CRLS1: variants seen among roughly 807,000 people sequenced by gnomAD.
CRLS1 encodes the protein cardiolipin synthase (CMP-forming).
CRLS1 carries 24 observed loss-of-function variants against 37.0 expected under a neutral mutation model. The ratio of observed to expected loss-of-function variants is 0.65; its 90% confidence interval spans 0.47 to 0.91. CRLS1 has a LOEUF of 0.91. Among genes scored for constraint, CRLS1 ranks in the 40% least tolerant of loss-of-function variants. The probability of loss-of-function intolerance (pLI) is 0.00; values close to 1 mark genes in which losing one functional copy is unlikely to be tolerated. For synonymous variants in CRLS1, 135 were observed against 159.7 expected (o/e 0.85, Z 1.17); for missense variants, 373 against 395.8 (o/e 0.94, Z 0.49).
At chr20:6,035,572 GTC>G (rs1251979691) in intron 6 of CRLS1, among the ~76,000 whole-genome samples, 1 of 151,486 alleles carries the variant, frequency 6.6e-6, no homozygotes, top group African/African-American at 2.4e-5. Flanking sequence ...CCTTTATTGA[GTC>G]TTTCTAAAGC....
intron 1 of CRLS1, among the ~76,000 whole-genome samples, chr20:6,009,443 A>C (rs2090103284): frequency 6.6e-6 from 1 of 152,080 alleles, no homozygotes; most frequent in African/African-American, 2.4e-5. Context: ...TTTAATTAAA[A>C]AAAATTGAGA....
At chr20:6,027,649 A>C (rs1416488136) in intron 3 of CRLS1, among the ~76,000 whole-genome samples, 1 of 152,108 alleles carries the variant, frequency 6.6e-6, no homozygotes, top group Non-Finnish European at 1.5e-5. Flanking sequence ...TCTTGGCCTC[A>C]AGTGATCTGC....
upstream of CRLS1, chr20:6,006,083 T>TGAA: frequency 2.6e-6 from 1 of 391,050 alleles, no homozygotes; most frequent in South Asian, 1.4e-4. Context: ...GGCGGCTTCC[T>TGAA]GCCACCTGTA....
intron 4 of CRLS1, among the ~76,000 whole-genome samples, chr20:6,031,733 G>T (rs1159347273): frequency 6.6e-6 from 1 of 152,054 alleles, no homozygotes; most frequent in Non-Finnish European, 1.5e-5. Flanking sequence ...GCAGTATTTT[G>T]TTCATTTTAT....
intron 5 of CRLS1, among the ~76,000 whole-genome samples, chr20:6,032,695 G>C (rs543077640): frequency 6.6e-6 from 1 of 152,304 alleles, no homozygotes; most frequent in Admixed American, 6.5e-5. Context: ...CTGTTTTCCC[G>C]AGCATTCAGG....
chr20:6,020,571 G>C (rs1979174053), intron 3 of CRLS1, among the ~76,000 whole-genome samples: 1 of 151,534 alleles, frequency 6.6e-6, no homozygotes, highest in African/African-American at 2.4e-5. Context: ...TGTATATTCT[G>C]CAGTTCTTGG....
At chr20:6,022,026 A>G (rs995929410) in intron 3 of CRLS1, among the ~76,000 whole-genome samples, 7 of 152,242 alleles carry the variant, frequency 4.6e-5, no homozygotes, top group Non-Finnish European at 8.8e-5. Context: ...TGTTTATACA[A>G]TGTTCATTTA....
chr20:6,006,363 CTGCTGCTTG>C lies in CRLS1; in HGVS notation c.118_126del (p.Cys40_Leu42del), dbSNP rs1205060794. 15 of 1,403,400 alleles carry C rather than the reference CTGCTGCTTG, an allele frequency of 1.1e-5. No individual in the cohort carries two copies. Among genetic ancestry groups the C allele is most frequent in the Non-Finnish European group, 1.4e-5 (15 of 1,076,634 alleles). The allele number at this position is 1,403,400 out of a possible 1,614,324, so 86.9% of individuals were successfully genotyped here. On this transcript the variant is annotated inframe_deletion, in exon 1 of 7. Coordinates refer to ENST00000378863, the MANE Select transcript of CRLS1 (RefSeq NM_019095.6). ...GCTGGGCCCTGCTGCCGCCCGTGCCCTGCTGCTTGGGCTGCCTGGCCGAACGCTGGAGGC... is the reference window on the plus strand; with the variant it reads ...GCTGGGCCCTGCTGCCGCCCGTGCCCGGCTGCCTGGCCGAACGCTGGAGGC...
chr20:6,033,717 C>T (rs1235162569), intron 5 of CRLS1, among the ~76,000 whole-genome samples: 1 of 152,084 alleles, frequency 6.6e-6, no homozygotes, highest in Non-Finnish European at 1.5e-5. Flanking sequence ...CTTGCGCTGT[C>T]TGCCCAGCCT....
rs1252655772 is a variant in CRLS1 at position 6,006,377 on chromosome 20, G to C, written c.131G>C (p.Cys44Ser). The C allele has an allele frequency of 7.1e-7, 1 of 1,406,320 alleles. No homozygotes were observed. The highest frequency in any genetic ancestry group is 2.6e-5 in the Admixed American group (1 of 38,136). The allele number at this position is 1,406,320 out of a possible 1,614,324, so 87.1% of individuals were successfully genotyped here. A position where few individuals can be genotyped will look rare whatever the true frequency, so the allele number is the denominator to read the frequency against. Residue 44 changes from cysteine (C) to serine (S), a missense_variant, in exon 1 of 7, where the codon TGC becomes TCC. By Grantham distance (112) the Cys-to-Ser change is moderately radical (BLOSUM62 -1). Transcript: ENST00000378863. ...CCGCCCGTGCCCTGCTGCTTGGGCT[G>C]CCTGGCCGAACGCTGGAGGCTGCGT... ...LLPPVPCCLG[C>S]LAERWRLRPA...
At chr20:6,015,087 C>G (rs1346630744) in intron 2 of CRLS1, among the ~76,000 whole-genome samples, 2 of 151,890 alleles carry the variant, frequency 1.3e-5, no homozygotes, top group Non-Finnish European at 2.9e-5. Context: ...TGGGTTCATC[C>G]CACAAAGGGG....
At chr20:6,006,900 G>C (rs2090064193) in intron 1 of CRLS1, 1 of 850,528 alleles carries the variant, frequency 1.2e-6, no homozygotes, top group Non-Finnish European at 1.4e-6. Context: ...CCAGTGTTTA[G>C]GGCAAGTCTT....
Position 6,006,791 on chromosome 20 carries a change from A to C in CRLS1, c.306+239A>C, listed in dbSNP as rs1016916104. ...ATCCTCTCATCCCCCTTCTATCTGCACCCGTTGCTGGAAGGGCCGCCTCTG... is the reference window on the plus strand; with the variant it reads ...ATCCTCTCATCCCCCTTCTATCTGCCCCCGTTGCTGGAAGGGCCGCCTCTG... On this transcript the variant is annotated intron_variant, in intron 1 of 6. Transcript: ENST00000378863. The C allele has an allele frequency of 2.0e-4, 195 of 985,292 alleles. 1 individual carries two copies. In the African/African-American group the frequency reaches 3.1e-3, roughly 15 times the overall value. The allele number at this position is 985,292 out of a possible 1,614,324, so 61.0% of individuals were successfully genotyped here.
At chr20:6,029,783 A>G (rs561674073) in intron 3 of CRLS1, among the ~76,000 whole-genome samples, 1 of 152,366 alleles carries the variant, frequency 6.6e-6, no homozygotes, top group South Asian at 2.1e-4. Context: ...CTTGGCTCAT[A>G]TAGCCACATC....
chr20:6,027,644 G>A (rs528680781), intron 3 of CRLS1, among the ~76,000 whole-genome samples: 4 of 151,124 alleles, frequency 2.6e-5, no homozygotes, highest in African/African-American at 7.3e-5. Context: ...CGAACTCTTG[G>A]CCTCAAGTGA....
intron 2 of CRLS1, among the ~76,000 whole-genome samples, chr20:6,011,622 G>C (rs924739662): frequency 1.5e-5 from 1 of 67,450 alleles, no homozygotes; most frequent in Non-Finnish European, 2.8e-5. Context: ...GACTGACTCT[G>C]TCGCCCAGGC....
intron 1 of CRLS1, among the ~76,000 whole-genome samples, chr20:6,008,178 C>CT (rs1317503193): frequency 2.2e-5 from 3 of 134,222 alleles, no homozygotes; most frequent in South Asian, 4.7e-4. Flanking sequence ...CAGAAATGGC[C>CT]TTTGCCACCT....
rs962483966 is a variant in CRLS1, at chr20:6,031,939, A to T, written c.661-73A>T. On this transcript the variant is annotated intron_variant, in intron 4 of 6. Transcript: ENST00000378863. ...TGTTGTTACCTAAGTATAATAACAA[A>T]ATGTCTATTTTAAATAAAAATGTTA... The T allele has an allele frequency of 3.7e-5, 42 of 1,123,710 alleles. No individual in the cohort carries two copies. In the East Asian group the frequency reaches 9.3e-4, roughly 25 times the overall value. The allele number at this position is 1,123,710 out of a possible 1,614,324, so 69.6% of individuals were successfully genotyped here.
At chr20:6,010,615 A>G (rs949086995) in intron 2 of CRLS1, among the ~76,000 whole-genome samples, 2 of 152,212 alleles carry the variant, frequency 1.3e-5, no homozygotes, top group African/African-American at 4.8e-5. Flanking sequence ...TATTCAGATG[A>G]TCTCAAATTA....
Sources: gnomAD v4.1 joint callset for allele counts (sites outside exome capture counted in the v4.1 genomes callset) on GRCh38, gnomAD v4.1.1 for gene constraint, MANE v1.5 for transcripts, NCBI Gene and HGNC (gene_info 2026-07-23, HGNC 2026-07-21) for gene names.